Variants in DYNC1H1 observed in about 807,000 individuals in gnomAD.
The protein encoded by DYNC1H1 is dynein cytoplasmic 1 heavy chain 1, also known as cytoplasmic dynein 1 heavy chain 1.
A neutral mutation model predicts 527.1 loss-of-function variants in DYNC1H1; 51 were observed. The observed-to-expected ratio is 0.10, with a 90% CI of 0.08 to 0.12. The LOEUF (loss-of-function observed/expected upper bound fraction) is 0.12. Among genes scored for constraint, DYNC1H1 ranks in the 10% least tolerant of loss-of-function variants. DYNC1H1 has a pLI of 1.00. For missense variants in DYNC1H1, 2,771 were observed against 5,971.8 expected (o/e 0.46, Z 17.66); for synonymous variants, 2,189 against 2,278.8 (o/e 0.96, Z 1.12).
At chr14:101,969,876 T>C (rs1161610055) in intron 1 of DYNC1H1, among the ~76,000 whole-genome samples, 2 of 152,184 alleles carry the variant, frequency 1.3e-5, no homozygotes, top group Admixed American at 1.3e-4. Flanking sequence ...GCATGTCAGA[T>C]TGGGAGCAGC....
chr14:101,994,513 G>T (rs935094345), intron 12 of DYNC1H1, among the ~76,000 whole-genome samples, 160 bp from the exon 13 acceptor site: 1 of 152,192 alleles, frequency 6.6e-6, no homozygotes, highest in Non-Finnish European at 1.5e-5. Context: ...TGACGTTCAA[G>T]AATCTTTTTT....
intron 48 of DYNC1H1, chr14:102,028,372 G>A (rs558770197): frequency 4.4e-4 from 200 of 457,736 alleles, no homozygotes; most frequent in Admixed American, 7.4e-4. Context: ...AAAATTAGCC[G>A]GGCATGGTGG....
At position 101,975,669 on chromosome 14, in the gene DYNC1H1, G is replaced by A. The variant is rs113909009; in HGVS notation, c.257-43G>A. 7.8e-6 allele frequency: 12 copies of A among 1,544,730 alleles called. No homozygotes were observed. The African/African-American group carries it at 1.2e-4, about 16-fold the overall frequency. On this transcript the variant is annotated intron_variant, in intron 1 of 77. Coordinates refer to ENST00000360184, the MANE Select transcript of DYNC1H1 (RefSeq NM_001376.5). ...CTAAGCAGTTGATAAATAAGAAATT[G>A]GAAATGTTGATATTAATTTGATATA...
intron 34 of DYNC1H1, among the ~76,000 whole-genome samples, chr14:102,014,626 G>A (rs1431365636): frequency 9.2e-5 from 14 of 151,970 alleles, no homozygotes; most frequent in Admixed American, 9.2e-4. Flanking sequence ...CCAGGACACA[G>A]TCACTGCTGA....
At chr14:102,047,641 G>GTA (rs71116874) in intron 72 of DYNC1H1, 176 bp from the exon 73 acceptor site, 18,224 of 302,648 alleles carry the variant, frequency 0.06, 424 homozygotes, top group East Asian at 0.15. Flanking sequence ...GTGTGTGTGT[G>GTA]TATATATATA....
intron 17 of DYNC1H1, 40 bp downstream of exon 17, chr14:102,000,184 C>T (rs1286510475): frequency 6.2e-7 from 1 of 1,614,156 alleles, no homozygotes; most frequent in East Asian, 2.2e-5. Context: ...TCCCGCTCCC[C>T]ACCCGGACTC....
At chr14:102,021,480 G>A (rs950357624) in intron 42 of DYNC1H1, among the ~76,000 whole-genome samples, 1 of 152,102 alleles carries the variant, frequency 6.6e-6, no homozygotes, top group African/African-American at 2.4e-5. Context: ...GCTTCAGTAA[G>A]TATATACCTG....
In DYNC1H1 at chr14:102,044,640, G is replaced by C; in HGVS notation, c.12948G>C (p.Gln4316His). 1 of 1,614,184 alleles carries C rather than the reference G, an allele frequency of 6.2e-7. No homozygotes were observed. Among genetic ancestry groups the C allele is most frequent in the Non-Finnish European group, 8.5e-7 (1 of 1,180,020 alleles). ...GGGTGGAGTTGCTCCCCGACACCCA[G>C]ACGCCCTCCTGGCTGGGCCTGCCCA... Reference protein sequence around the residue: ...VQWVELLPDTQTPSWLGLPNN... With the variant: ...VQWVELLPDTHTPSWLGLPNN... The change falls in exon 72 of 78, where the codon CAG becomes CAC. Residue 4316 changes from glutamine (Q) to histidine (H), a missense_variant. By Grantham distance (24) the Gln-to-His change is conservative. This residue lies in a region of DYNC1H1 where 195 missense variants were observed against 428.6 expected (regional missense o/e 0.45). Coordinates refer to ENST00000360184, the MANE Select transcript of DYNC1H1 (RefSeq NM_001376.5). The surrounding 1 kb of genome is among the most constrained non-coding windows in gnomAD (Gnocchi z 7.1).
Position 102,005,326 on chromosome 14 carries a change from T to A in DYNC1H1, c.5433+90T>A. ...ATGGAAATCATGCTTGAAAAAGGTT[T>A]CAGGTAGTATCAAGGAGAACAGTGG... On this transcript the variant is annotated intron_variant, in intron 26 of 77. Transcript: ENST00000360184. This position sits in a 1 kb window ranked among gnomAD's most constrained non-coding sequence, Gnocchi z 4.0. 1 of 1,544,032 alleles carries A rather than the reference T, an allele frequency of 6.5e-7. No homozygotes were observed. The highest frequency in any genetic ancestry group is 8.9e-7 in the Non-Finnish European group (1 of 1,123,800).
In DYNC1H1 at chr14:102,011,825, C is replaced by A. The variant is rs750127999; in HGVS notation, c.6619-50C>A. 1.4e-5 allele frequency: 22 copies of A among 1,579,410 alleles called. No individual in the cohort carries two copies. The East Asian group carries it at 4.9e-4, about 35-fold the overall frequency. On this transcript the variant is annotated intron_variant, in intron 32 of 77. Coordinates refer to ENST00000360184, the MANE Select transcript of DYNC1H1 (RefSeq NM_001376.5). This position sits in a 1 kb window ranked among gnomAD's most constrained non-coding sequence, Gnocchi z 5.3. ...AGAGGTGGCTGGGCGAGGAGCTGTCCCCATTCCTCCTCTGGGATGGTCACT... is the reference window on the plus strand; with the variant it reads ...AGAGGTGGCTGGGCGAGGAGCTGTCACCATTCCTCCTCTGGGATGGTCACT...
intron 23 of DYNC1H1, among the ~76,000 whole-genome samples, chr14:102,003,345 T>A (rs1041015328): frequency 1.3e-5 from 2 of 150,352 alleles, no homozygotes; most frequent in African/African-American, 2.5e-5. Context: ...CACTGCAACC[T>A]CCTCCTCCCA....
At position 102,020,684 on chromosome 14, in the gene DYNC1H1, G is replaced by A. The variant is rs1047187562; in HGVS notation, c.8507+628G>A. Among the ~76,000 whole-genome samples, 12 of 152,170 alleles carry A rather than the reference G, an allele frequency of 7.9e-5. No homozygotes were observed. The highest frequency in any genetic ancestry group is 1.8e-4 in the Non-Finnish European group (12 of 68,038). ...ATACTTAAGGGAAAAAATTGCTAAC[G>A]GATGACTGATCGGCATCAACTGTGG... On this transcript the variant is annotated intron_variant, in intron 42 of 77. Transcript: ENST00000360184. The surrounding 1 kb of genome is among the most constrained non-coding windows in gnomAD (Gnocchi z 4.3).
intron 29 of DYNC1H1, 129 bp from the exon 30 acceptor site, chr14:102,009,714 C>A: frequency 6.8e-7 from 1 of 1,463,936 alleles, no homozygotes; most frequent in East Asian, 2.4e-5. Flanking sequence ...AGAGCAGCCC[C>A]CGAGGAAGCG....
At chr14:101,969,221 CGTG>C (rs2047702692) in intron 1 of DYNC1H1, 1 of 151,172 alleles carries the variant, frequency 6.6e-6, no homozygotes, top group African/African-American at 2.4e-5. Flanking sequence ...GGGGTTTCAC[CGTG>C]TTAGCCAGGA....
Position 102,027,246 on chromosome 14 carries a change from T to G in DYNC1H1, c.8844T>G (p.Arg2948=). 1.2e-6 allele frequency: 2 copies of G among 1,614,070 alleles called. No homozygotes were observed. Among genetic ancestry groups the G allele is most frequent in the Non-Finnish European group, 1.7e-6 (2 of 1,179,992 alleles). ...VSGAGKTTLS[R]FVAWMNGLSV... ...GAGCAGGAAAAACTACCCTGTCTCG[T>G]TTCGTCGCCTGGATGAACGGTTTGA... is the stretch of plus-strand genomic sequence containing the variant. The change falls in exon 45 of 78, where the codon CGT becomes CGG. Residue 2948 remains arginine (R), a synonymous_variant. Transcript: ENST00000360184. The surrounding 1 kb of genome is among the most constrained non-coding windows in gnomAD (Gnocchi z 7.7).
rs1227878275 is a variant in DYNC1H1 at position 101,965,949 on chromosome 14, G to A, written c.256+1002G>A. Among the ~76,000 whole-genome samples, 30 of 152,096 alleles carry A rather than the reference G, an allele frequency of 2.0e-4. No individual in the cohort carries two copies. Among genetic ancestry groups the A allele is most frequent in the Admixed American group, 2.0e-3 (30 of 15,282 alleles). On this transcript the variant is annotated intron_variant, in intron 1 of 77. Transcript: ENST00000360184. The surrounding 1 kb of genome is among the most constrained non-coding windows in gnomAD (Gnocchi z 4.1). ...ATTCATCTAAGTCTGGGGCTTGCCT[G>A]CAGGCAGGCTTTCTCATGGATTCAT...
intron 74 of DYNC1H1, chr14:102,048,964 GGATGGTGACAGACGGTA>G: frequency 2.1e-6 from 1 of 474,902 alleles, no homozygotes; most frequent in Non-Finnish European, 3.9e-6. Context: ...TGGTGGTCCA[GGATGGTGACAGACGGTA>G]GTAGGTTACG....
At position 102,038,291 on chromosome 14, in the gene DYNC1H1, T is replaced by A; in HGVS notation, c.10909-169T>A. 8.6e-7 allele frequency: 1 copy of A among 1,166,714 alleles called. No individual in the cohort carries two copies. Among genetic ancestry groups the A allele is most frequent in the Non-Finnish European group, 1.2e-6 (1 of 815,060 alleles). The allele number at this position is 1,166,714 out of a possible 1,614,324, so 72.3% of individuals were successfully genotyped here. A position where few individuals can be genotyped will look rare whatever the true frequency, so the allele number is the denominator to read the frequency against. On this transcript the variant is annotated intron_variant, in intron 57 of 77. Transcript: ENST00000360184. The surrounding 1 kb of genome is among the most constrained non-coding windows in gnomAD (Gnocchi z 7.2). ...ACCGCATCTGGCTGAGTTTTTAATT[T>A]TAGTTCATTTAAATGTAAGTAGCCA...
chr14:102,040,489 A>T, intron 63 of DYNC1H1, 79 bp downstream of exon 63: 1 of 1,613,050 alleles, frequency 6.2e-7, no homozygotes, highest in South Asian at 1.1e-5. Flanking sequence ...ATGTGGTATA[A>T]AACCCAGAAT....
Sources: gnomAD v4.1 joint callset for allele counts (sites outside exome capture counted in the v4.1 genomes callset) on GRCh38, gnomAD v4.1.1 for gene constraint, gnomAD v4.1.1 regional missense constraint, Gnocchi (gnomAD v3.1) non-coding constraint, MANE v1.5 for transcripts, NCBI Gene and HGNC (gene_info 2026-07-23, HGNC 2026-07-21) for gene names.